The following P2RY6 variants were observed in gnomAD, a reference collection of about 807,000 sequenced individuals.
P2RY6 encodes P2Y purinoceptor 6.
A neutral mutation model predicts 16.3 loss-of-function variants in P2RY6; 19 were observed. The observed-to-expected ratio is 1.16, with a 90% CI of 0.81 to 1.71. P2RY6 has a LOEUF of 1.71. P2RY6 is among the 40% of genes most tolerant of loss of function. P2RY6 has a pLI of 0.00. For synonymous variants in P2RY6, 184 were observed against 201.5 expected, an observed-to-expected ratio of 0.91 and a Z score of 0.74; for missense variants, 389 against 455.5, an observed-to-expected ratio of 0.85 and a Z score of 1.33.
In P2RY6 at chr11:73,295,790, T is replaced by C. The variant is rs1864448197; in HGVS notation, c.-60T>C. On this transcript the variant is annotated 5_prime_UTR_variant, in exon 2 of 3. It removes an upstream start codon present in the reference 5' UTR. Coordinates refer to ENST00000540124, the MANE Select transcript of P2RY6 (RefSeq NM_001277204.2). ...GAAGGCGGAGTTCAGGCTGAGGAGA[T>C]GGGTGCGGTCCTCAGTGAGCCCCTG... is the stretch of plus-strand genomic sequence containing the variant. 1.0e-6 allele frequency: 1 copy of C among 985,088 alleles called. No individual in the cohort carries two copies. The highest frequency in any genetic ancestry group is 1.2e-6 in the Non-Finnish European group (1 of 829,620). 61.0% of individuals were successfully genotyped at this position (985,088 alleles called of 1,614,324 possible). A position where few individuals can be genotyped will look rare whatever the true frequency, so the allele number is the denominator to read the frequency against.
intron 1 of P2RY6, among the ~76,000 whole-genome samples, chr11:73,288,775 G>A (rs1864070003): frequency 6.6e-6 from 1 of 152,206 alleles, no homozygotes; most frequent in Non-Finnish European, 1.5e-5. Flanking sequence ...CTCAGAGAGG[G>A]TAGGTGGCTC....
chr11:73,290,298 GAAAGAAAAGAAAGAAA>G (rs1864157148), intron 1 of P2RY6, among the ~76,000 whole-genome samples: 1 of 126,392 alleles, frequency 7.9e-6, no homozygotes, highest in Non-Finnish European at 1.6e-5. Context: ...AAGAAAGAAA[GAAAGAAAAGAAAGAAA>G]GAAAGAAAGA....
intron 1 of P2RY6, among the ~76,000 whole-genome samples, chr11:73,278,349 G>A (rs886752282): frequency 9.9e-5 from 15 of 151,868 alleles, no homozygotes; most frequent in African/African-American, 3.1e-4. Context: ...TAGTAGAGAC[G>A]GAGTTTCACC....
intron 1 of P2RY6, among the ~76,000 whole-genome samples, chr11:73,290,410 G>A (rs1864194478): frequency 6.6e-6 from 1 of 152,190 alleles, no homozygotes; most frequent in Non-Finnish European, 1.5e-5. Context: ...GACTGGCTGG[G>A]CACAGTGGTG....
intron 1 of P2RY6, chr11:73,289,437 G>A (rs1382044156): frequency 6.6e-6 from 1 of 152,390 alleles, no homozygotes; most frequent in African/African-American, 2.4e-5. Context: ...ATCGACCAGG[G>A]TGAGGACCTG....
intron 1 of P2RY6, chr11:73,292,783 A>G (rs1864311683): frequency 1.0e-6 from 1 of 985,230 alleles, no homozygotes. Context: ...CCCTGCCAGG[A>G]AACAGAGGAA....
chr11:73,294,161 C>T (rs1459582051), intron 1 of P2RY6, among the ~76,000 whole-genome samples: 1 of 152,176 alleles, frequency 6.6e-6, no homozygotes, highest in East Asian at 1.9e-4. Flanking sequence ...TCCTCCTCAC[C>T]CGGAGTGTCC....
chr11:73,279,200 C>T (rs998971045), intron 1 of P2RY6, among the ~76,000 whole-genome samples: 1 of 152,056 alleles, frequency 6.6e-6, no homozygotes, highest in Non-Finnish European at 1.5e-5. Context: ...AAGTCCTTTG[C>T]TGATTTTTGA....
At chr11:73,279,078 G>A (rs1863655593) in intron 1 of P2RY6, among the ~76,000 whole-genome samples, 1 of 150,730 alleles carries the variant, frequency 6.6e-6, no homozygotes, top group East Asian at 1.9e-4. Flanking sequence ...CATCCTAATG[G>A]GTGTGAAGTG....
intron 1 of P2RY6, among the ~76,000 whole-genome samples, chr11:73,273,373 A>T (rs1863399213): frequency 6.6e-6 from 1 of 152,060 alleles, no homozygotes; most frequent in Non-Finnish European, 1.5e-5. Context: ...GCCCTTTGCA[A>T]ACTATAAAGT....
intron 1 of P2RY6, among the ~76,000 whole-genome samples, chr11:73,273,372 A>C (rs1863399092): frequency 6.6e-6 from 1 of 152,110 alleles, no homozygotes; most frequent in Non-Finnish European, 1.5e-5. Flanking sequence ...GGCCCTTTGC[A>C]AACTATAAAG....
At chr11:73,276,830 T>C (rs575150292) in intron 1 of P2RY6, among the ~76,000 whole-genome samples, 106 of 152,310 alleles carry the variant, frequency 7.0e-4, no homozygotes, top group Middle Eastern at 3.4e-3. Context: ...AACCTCTGAA[T>C]TGTCCACTTT....
chr11:73,294,216 C>G (rs1222774631), intron 1 of P2RY6, among the ~76,000 whole-genome samples: 1 of 152,196 alleles, frequency 6.6e-6, no homozygotes, highest in Non-Finnish European at 1.5e-5. Context: ...ACCACCCAGG[C>G]CTTGCTCTGT....
intron 1 of P2RY6, among the ~76,000 whole-genome samples, chr11:73,275,708 T>C (rs1863508632): frequency 6.6e-6 from 1 of 152,178 alleles, no homozygotes; most frequent in Non-Finnish European, 1.5e-5. Flanking sequence ...CAGAAATGCC[T>C]CTGTTGTAAG....
chr11:73,292,904 G>A, intron 1 of P2RY6: 2 of 984,870 alleles, frequency 2.0e-6, no homozygotes, highest in Non-Finnish European at 1.2e-6. Flanking sequence ...GCGTGCTGCA[G>A]GGACAGGAGG....
intron 1 of P2RY6, among the ~76,000 whole-genome samples, chr11:73,266,446 A>G (rs1479489523): frequency 2.6e-5 from 4 of 152,190 alleles, no homozygotes; most frequent in African/African-American, 9.6e-5. Flanking sequence ...GCCTGGAATG[A>G]GGAAAGTCCA....
intron 1 of P2RY6, among the ~76,000 whole-genome samples, chr11:73,281,031 G>C (rs1377123009): frequency 1.3e-5 from 2 of 152,152 alleles, no homozygotes; most frequent in African/African-American, 2.4e-5. Context: ...CGTGGGGTGA[G>C]AGAAGAGGAG....
In P2RY6 at chr11:73,294,374, G is replaced by A. The variant is rs545356029; in HGVS notation, c.-120-1356G>A. On this transcript the variant is annotated intron_variant, in intron 1 of 2. Coordinates refer to ENST00000540124, the MANE Select transcript of P2RY6 (RefSeq NM_001277204.2). The stretch of plus-strand genomic sequence containing the variant: ...GTATCTAGCTGGCAGGGAGGACTCC[G>A]TGAATCCCTGTCATGTGAAAACAAG... Among the ~76,000 whole-genome samples the A allele has an allele frequency of 6.7e-4, 102 of 152,318 alleles. No individual in the cohort carries two copies. In the Middle Eastern group the frequency reaches 0.014, roughly 20 times the overall value.
At chr11:73,271,936 G>A (rs1381282811), upstream of P2RY6, 1 of 152,114 alleles carries the variant, frequency 6.6e-6, no homozygotes, top group Admixed American at 6.5e-5. Flanking sequence ...AGAAAACCAG[G>A]TTAATGGTTT....
Sources: allele counts gnomAD v4.1 joint callset (sites outside exome capture counted in the v4.1 genomes callset), GRCh38; gene constraint gnomAD v4.1.1; transcripts MANE v1.5; gene names NCBI Gene and HGNC (gene_info 2026-07-23, HGNC 2026-07-21).